BMPR1B: variants seen among roughly 807,000 people sequenced by gnomAD.
BMPR1B encodes the protein bone morphogenetic protein receptor type-1B.
BMPR1B carries 12 observed loss-of-function variants against 59.1 expected under a neutral mutation model. The ratio of observed to expected loss-of-function variants is 0.20; its 90% confidence interval spans 0.13 to 0.33. The LOEUF (loss-of-function observed/expected upper bound fraction) is 0.33, where lower values mean the gene tolerates loss of function less well. Among genes scored for constraint, BMPR1B ranks in the 10% least tolerant of loss-of-function variants. The pLI is 1.00. For synonymous variants in BMPR1B, 237 were observed against 207.3 expected (o/e 1.14, Z -1.23); for missense variants, 550 against 610.9 (o/e 0.90, Z 1.05).
chr4:95,063,077 C>T (rs867797163), intron 3 of BMPR1B, among the ~76,000 whole-genome samples: 18 of 152,128 alleles, frequency 1.2e-4, no homozygotes, highest in South Asian at 2.1e-4. Flanking sequence ...ACTTTTTAGT[C>T]TGGATTGTTT....
At chr4:94,875,235 T>C (rs1323298460) in intron 1 of BMPR1B, among the ~76,000 whole-genome samples, 2 of 152,194 alleles carry the variant, frequency 1.3e-5, no homozygotes, top group Non-Finnish European at 2.9e-5. Flanking sequence ...GTTAGAACTT[T>C]GTTAAAAATT....
At position 94,965,777 on chromosome 4, in the gene BMPR1B, A is replaced by AGAGAGTGTGTGTGT. The variant is rs149275419; in HGVS notation, c.-112-30262_-112-30261insAGAGTGTGTGTGTG. On this transcript the variant is annotated intron_variant, in intron 2 of 12. Coordinates refer to ENST00000515059, the MANE Select transcript of BMPR1B (RefSeq NM_001203.3). ...TGAAAGAGTAAATTGTGTGTGTGAG[A>AGAGAGTGTGTGTGT]GTGTATGTGTTCTCATGTTTACACA... is the stretch of plus-strand genomic sequence containing the variant. 8.4e-3 allele frequency among the ~76,000 whole-genome samples: 1,271 copies of AGAGAGTGTGTGTGT among 152,184 alleles called. 16 individuals carry two copies. Among genetic ancestry groups the AGAGAGTGTGTGTGT allele is most frequent in the African/African-American group, 0.029 (1,198 of 41,506 alleles).
At chr4:95,134,617 A>T (rs1733630135) in intron 10 of BMPR1B, among the ~76,000 whole-genome samples, 1 of 152,200 alleles carries the variant, frequency 6.6e-6, no homozygotes, top group African/African-American at 2.4e-5. Flanking sequence ...TCTGATGGCC[A>T]GTGATGATGA....
chr4:94,998,799 G>A (rs1451236689), intron 3 of BMPR1B, among the ~76,000 whole-genome samples: 1 of 152,044 alleles, frequency 6.6e-6, no homozygotes, highest in African/African-American at 2.4e-5. Flanking sequence ...TGAGTCTCTT[G>A]TTCATATACC....
At chr4:94,771,748 TC>T (rs1343086271) in intron 1 of BMPR1B, among the ~76,000 whole-genome samples, 1 of 152,226 alleles carries the variant, frequency 6.6e-6, no homozygotes, top group Non-Finnish European at 1.5e-5. Context: ...TTCTGTTTGA[TC>T]CGTCTATTGT....
rs1419923872 is a variant in BMPR1B, at chr4:95,156,860, A to G, written c.*2187A>G. 1 of 152,204 alleles carries G rather than the reference A, an allele frequency of 6.6e-6. No homozygotes were observed. Among genetic ancestry groups the G allele is most frequent in the Non-Finnish European group, 1.5e-5 (1 of 68,010 alleles). The allele number at this position is 152,204 out of a possible 1,614,324, so 9.4% of individuals were successfully genotyped here. A position where few individuals can be genotyped will look rare whatever the true frequency, so the allele number is the denominator to read the frequency against. ...GTGACTAATCATCTGAGCCTTGAAG[A>G]GAAACTTCAGTGCCTCTAAACAGAT... On this transcript the variant is annotated 3_prime_UTR_variant, in exon 13 of 13. Coordinates refer to ENST00000515059, the MANE Select transcript of BMPR1B (RefSeq NM_001203.3).
intron 6 of BMPR1B, among the ~76,000 whole-genome samples, chr4:95,116,419 G>GCGCGCGCA (rs1553939743): frequency 1.4e-4 from 7 of 51,100 alleles, no homozygotes; most frequent in African/African-American, 5.1e-4. Context: ...CTTTCAGCGC[G>GCGCGCGCA]CGCACACACA....
chr4:94,767,795 T>C (rs1259092636), intron 1 of BMPR1B, among the ~76,000 whole-genome samples: 1 of 152,106 alleles, frequency 6.6e-6, no homozygotes, highest in Admixed American at 6.5e-5. Context: ...CATCAAACTT[T>C]TGTGATTTTT....
intron 2 of BMPR1B, among the ~76,000 whole-genome samples, chr4:94,886,769 G>T (rs1288874029): frequency 2.0e-5 from 3 of 152,146 alleles, no homozygotes; most frequent in East Asian, 3.9e-4. Context: ...CCCCTTTCCT[G>T]TCATGCTGCA....
At chr4:95,084,993 G>A (rs904549212) in intron 3 of BMPR1B, among the ~76,000 whole-genome samples, 1 of 152,060 alleles carries the variant, frequency 6.6e-6, no homozygotes, top group African/African-American at 2.4e-5. Context: ...TGAAAGAGCT[G>A]GTGCCCGGTT....
chr4:94,921,697 G>T (rs2149025285), intron 2 of BMPR1B, among the ~76,000 whole-genome samples: 1 of 152,096 alleles, frequency 6.6e-6, no homozygotes, highest in African/African-American at 2.4e-5. Context: ...TCCAATATTA[G>T]GCATTATAAT....
chr4:94,948,302 C>A (rs559663803), intron 2 of BMPR1B, among the ~76,000 whole-genome samples: 1 of 152,254 alleles, frequency 6.6e-6, no homozygotes, highest in East Asian at 1.9e-4. Context: ...AGCCCTAGAT[C>A]AAACATGTTC....
intron 6 of BMPR1B, among the ~76,000 whole-genome samples, chr4:95,116,421 G>GCACGCACACACACA (rs1732060790): frequency 8.1e-6 from 1 of 123,248 alleles, no homozygotes; most frequent in East Asian, 2.3e-4. Context: ...TTCAGCGCGC[G>GCACGCACACACACA]CACACACACA....
chr4:95,115,988 T>C (rs958378934), intron 6 of BMPR1B, among the ~76,000 whole-genome samples: 20 of 152,168 alleles, frequency 1.3e-4, no homozygotes, highest in African/African-American at 3.6e-4. Context: ...ACTTCACTTT[T>C]ATGATTTTTA....
chr4:94,770,054 A>G (rs1722114534), intron 1 of BMPR1B, among the ~76,000 whole-genome samples: 1 of 152,018 alleles, frequency 6.6e-6, no homozygotes, highest in Non-Finnish European at 1.5e-5. Flanking sequence ...TCACATCTAT[A>G]ATGTTTCCTT....
At chr4:94,805,674 G>T (rs1178575750) in intron 1 of BMPR1B, among the ~76,000 whole-genome samples, 1 of 152,120 alleles carries the variant, frequency 6.6e-6, no homozygotes, top group African/African-American at 2.4e-5. Context: ...ATATTTTTCT[G>T]ATGGGGATAG....
intron 1 of BMPR1B, among the ~76,000 whole-genome samples, chr4:94,825,490 G>A: frequency 6.6e-6 from 1 of 152,168 alleles, no homozygotes; most frequent in East Asian, 1.9e-4. Flanking sequence ...GGGTGATAGA[G>A]TGAGACCCTG....
In BMPR1B at chr4:94,844,687, C is replaced by G. The variant is rs191866149; in HGVS notation, c.-182-31144C>G. On this transcript the variant is annotated intron_variant, in intron 1 of 12. Transcript: ENST00000515059. The stretch of plus-strand genomic sequence containing the variant: ...CTGACTTCCCCCCGCTGCCCCGCTC[C>G]CCGCCCCAGATTGTTTCACATACAA... Among the ~76,000 whole-genome samples, 153 of 152,260 alleles carry G rather than the reference C, an allele frequency of 1.0e-3. 2 individuals carry two copies. Among genetic ancestry groups the G allele is most frequent in the Middle Eastern group, 6.8e-3 (2 of 294 alleles).
rs547505339 is a variant in BMPR1B, at chr4:94,866,870, C to T, written c.-182-8961C>T. On this transcript the variant is annotated intron_variant, in intron 1 of 12. Coordinates refer to ENST00000515059, the MANE Select transcript of BMPR1B (RefSeq NM_001203.3). The stretch of plus-strand genomic sequence containing the variant: ...GTGCTGGGATTACAGGCGTGAGCCA[C>T]TGTGTCCAGCCTCATTCATTGTTTA... Among the ~76,000 whole-genome samples the T allele has an allele frequency of 1.4e-4, 21 of 152,330 alleles. No individual in the cohort carries two copies. In the South Asian group the frequency reaches 4.2e-3, roughly 30 times the overall value.
Sources: gnomAD v4.1 joint callset for allele counts (sites outside exome capture counted in the v4.1 genomes callset) on GRCh38, gnomAD v4.1.1 for gene constraint, MANE v1.5 for transcripts, NCBI Gene and HGNC (gene_info 2026-07-23, HGNC 2026-07-21) for gene names.